Variants in DLGAP1 observed in about 807,000 individuals in gnomAD.
The protein encoded by DLGAP1 is disks large-associated protein 1.
DLGAP1 carries 11 observed loss-of-function variants against 90.8 expected under a neutral mutation model. The observed-to-expected ratio is 0.12, with a 90% CI of 0.08 to 0.20. The LOEUF (loss-of-function observed/expected upper bound fraction) is 0.20. DLGAP1 is among the 10% of genes least tolerant of loss of function. The probability of loss-of-function intolerance (pLI) is 1.00; values close to 1 mark genes in which losing one functional copy is unlikely to be tolerated. For synonymous variants in DLGAP1, 558 were observed against 540.7 expected, an observed-to-expected ratio of 1.03 and a Z score of -0.44; for missense variants, 1,050 against 1,333.8, an observed-to-expected ratio of 0.79 and a Z score of 3.31.
In DLGAP1 at chr18:3,660,519, G is replaced by T. The variant is rs946478002; in HGVS notation, c.1591+68616C>A. Among the ~76,000 whole-genome samples, 1 of 152,218 alleles carries T rather than the reference G, an allele frequency of 6.6e-6. No homozygotes were observed. The highest frequency in any genetic ancestry group is 1.9e-4 in the East Asian group (1 of 5,198). ...CAAAAAATATTTACTGAATGAAAAG[G>T]TGATCATTCCCGAGTATCCTCAAGG... On this transcript the variant is annotated intron_variant, in intron 7 of 12. Transcript: ENST00000315677. This position sits in a 1 kb window ranked among gnomAD's most constrained non-coding sequence, Gnocchi z 4.2.
chr18:3,551,718 C>CCTA (rs2053470624), intron 9 of DLGAP1, among the ~76,000 whole-genome samples: 4 of 31,336 alleles, frequency 1.3e-4, no homozygotes, highest in African/African-American at 7.7e-4. Flanking sequence ...CTCCCTCCCT[C>CCTA]CCTCCCTTCC....
chr18:3,787,087 G>C lies in DLGAP1; in HGVS notation c.1172+26972C>G, dbSNP rs370154162. Among the ~76,000 whole-genome samples, 52 of 151,930 alleles carry C rather than the reference G, an allele frequency of 3.4e-4. 1 individual carries two copies. Among genetic ancestry groups the C allele is most frequent in the African/African-American group, 1.2e-3 (48 of 41,368 alleles). On this transcript the variant is annotated intron_variant, in intron 5 of 12. Transcript: ENST00000315677. ...GTAATGAGTATTACAAGAGAACTTA[G>C]GTTTCTAAAAACAAGTTTAGGAAAA...
chr18:4,045,430 T>TAAAAAAAAAAA (rs1691958484), intron 2 of DLGAP1, among the ~76,000 whole-genome samples: 1 of 16,594 alleles, frequency 6.0e-5, no homozygotes, highest in Non-Finnish European at 1.0e-4. Context: ...ACCCCATCTC[T>TAAAAAAAAAAA]ACAAAAAAAA....
chr18:4,105,514 A>C (rs2075844244), intron 2 of DLGAP1, among the ~76,000 whole-genome samples: 1 of 152,222 alleles, frequency 6.6e-6, no homozygotes, highest in African/African-American at 2.4e-5. Context: ...ACACTACTTA[A>C]ATTCATATTA....
intron 2 of DLGAP1, among the ~76,000 whole-genome samples, chr18:4,122,701 A>G (rs1015948966): frequency 6.6e-6 from 1 of 152,124 alleles, no homozygotes; most frequent in African/African-American, 2.4e-5. Flanking sequence ...AAGTATTTGT[A>G]TTTTCATTTC....
At chr18:3,625,866 C>T (rs1303934508) in intron 7 of DLGAP1, among the ~76,000 whole-genome samples, 1 of 152,224 alleles carries the variant, frequency 6.6e-6, no homozygotes, top group African/African-American at 2.4e-5. Flanking sequence ...CCTCCCCTGA[C>T]CCAGGGAGTT....
chr18:3,899,133 G>C (rs181952351), intron 3 of DLGAP1, among the ~76,000 whole-genome samples: 13 of 152,188 alleles, frequency 8.5e-5, no homozygotes, highest in African/African-American at 3.1e-4. Context: ...TCAAGTGAAA[G>C]AAATAAGGAG....
At chr18:3,586,733 G>A (rs1290305558) in intron 7 of DLGAP1, among the ~76,000 whole-genome samples, 1 of 152,094 alleles carries the variant, frequency 6.6e-6, no homozygotes, top group African/African-American at 2.4e-5. Context: ...CTCATACAAC[G>A]AAATCCTTCC....
At chr18:3,586,397 G>A (rs1405131414) in intron 7 of DLGAP1, among the ~76,000 whole-genome samples, 1 of 152,124 alleles carries the variant, frequency 6.6e-6, no homozygotes, top group East Asian at 1.9e-4. Flanking sequence ...TTATGCTGAG[G>A]GACTTTACTC....
chr18:3,519,612 G>A (rs765158143), intron 10 of DLGAP1, among the ~76,000 whole-genome samples: 2 of 152,138 alleles, frequency 1.3e-5, no homozygotes, highest in African/African-American at 2.4e-5. Context: ...AACAATAAGC[G>A]GTGGGGCATT....
At chr18:4,227,214 GTTAGAC>G (rs2145021648) in intron 1 of DLGAP1, among the ~76,000 whole-genome samples, 1 of 151,970 alleles carries the variant, frequency 6.6e-6, no homozygotes, top group African/African-American at 2.4e-5. Context: ...TAAAGCAAAT[GTTAGAC>G]TTAAAGAGAG....
intron 6 of DLGAP1, among the ~76,000 whole-genome samples, chr18:3,736,626 A>G (rs1211145350): frequency 6.6e-6 from 1 of 152,266 alleles, no homozygotes; most frequent in Non-Finnish European, 1.5e-5. Flanking sequence ...AGTCTAGGGT[A>G]TATACAGTAG....
chr18:4,156,836 T>C (rs187630441), intron 1 of DLGAP1, among the ~76,000 whole-genome samples: 12 of 152,284 alleles, frequency 7.9e-5, no homozygotes, highest in Admixed American at 7.8e-4. Flanking sequence ...AATAGTCCTA[T>C]AAGATGAAGA....
At chr18:4,172,748 G>A (rs72858761) in intron 1 of DLGAP1, among the ~76,000 whole-genome samples, 5,777 of 152,300 alleles carry the variant, frequency 0.038, 135 homozygotes, top group South Asian at 0.075. Context: ...AAAATTAGAA[G>A]AAATATTCTT....
intron 6 of DLGAP1, among the ~76,000 whole-genome samples, chr18:3,734,229 C>T (rs936973870): frequency 6.6e-4 from 100 of 151,890 alleles, no homozygotes; most frequent in African/African-American, 2.3e-3. Context: ...TTTAACTCTT[C>T]ATTTGTGTTC....
At position 4,196,691 on chromosome 18, in the gene DLGAP1, G is replaced by T. The variant is rs2077503891; in HGVS notation, c.-266-45404C>A. Among the ~76,000 whole-genome samples, 3 of 152,186 alleles carry T rather than the reference G, an allele frequency of 2.0e-5. No individual in the cohort carries two copies. In the South Asian group the frequency reaches 6.2e-4, roughly 32 times the overall value. The stretch of plus-strand genomic sequence containing the variant: ...CTACTTTGTGCGGTGCATAGATTCT[G>T]TTGCCATTCTTTCTTTTAAGTAACC... On this transcript the variant is annotated intron_variant, in intron 1 of 12. Transcript: ENST00000315677.
intron 1 of DLGAP1, among the ~76,000 whole-genome samples, chr18:4,280,411 A>C (rs1255886419): frequency 1.3e-5 from 2 of 152,254 alleles, no homozygotes; most frequent in Admixed American, 6.5e-5. Flanking sequence ...AAACTGAAGC[A>C]CAGAGTGAAT....
chr18:4,025,358 T>C (rs1412968329), intron 2 of DLGAP1, among the ~76,000 whole-genome samples: 3 of 151,816 alleles, frequency 2.0e-5, no homozygotes, highest in Non-Finnish European at 4.4e-5. Context: ...TACTCAAAAA[T>C]TTTCAGATTT....
chr18:4,092,101 A>G (rs373698773), intron 2 of DLGAP1, among the ~76,000 whole-genome samples: 1 of 152,122 alleles, frequency 6.6e-6, no homozygotes, highest in African/African-American at 2.4e-5. Context: ...TAACCTCAGT[A>G]TATTACTAGC....
Sources: allele counts gnomAD v4.1 joint callset (sites outside exome capture counted in the v4.1 genomes callset), GRCh38; gene constraint gnomAD v4.1.1; non-coding constraint Gnocchi (gnomAD v3.1); transcripts MANE v1.5; gene names NCBI Gene and HGNC (gene_info 2026-07-23, HGNC 2026-07-21).